REV3L: variants seen among roughly 807,000 people sequenced by gnomAD.
REV3L encodes REV3 like, DNA directed polymerase zeta catalytic subunit, also known as DNA polymerase zeta catalytic subunit.
In REV3L, 69 loss-of-function variants were observed where a neutral mutation model predicts 299.4. The observed-to-expected ratio is 0.23, with a 90% confidence interval of 0.19 to 0.28. REV3L has a LOEUF of 0.28. Among genes scored for constraint, REV3L ranks in the 10% least tolerant of loss-of-function variants. The pLI is 1.00. For missense variants in REV3L, 3,128 were observed against 3,693.8 expected (o/e 0.85, Z 3.97); for synonymous variants, 1,238 against 1,271.4 (o/e 0.97, Z 0.56).
upstream of REV3L, chr6:111,483,514 G>A: frequency 1.9e-6 from 1 of 527,876 alleles, no homozygotes; most frequent in South Asian, 1.6e-5. Context: ...TGGGCTCCGA[G>A]GGGCTTGCGG....
At position 111,300,040 on chromosome 6, in the gene REV3L, G is replaced by GAGAT; in HGVS notation, c.9365_9368dup (p.Arg3124SerfsTer27). ...TTTAAAACTGGTCTAATAACTGCCGGAGATATGGTGCCTTGGACAATTCTC... is the reference window on the plus strand; with the variant it reads ...TTTAAAACTGGTCTAATAACTGCCGGAGATAGATATGGTGCCTTGGACAATTCTC... On this transcript the variant is annotated frameshift_variant, in exon 32 of 32. Transcript: ENST00000368802. LOFTEE classifies it high-confidence loss of function. 1 of 1,613,256 alleles carries GAGAT rather than the reference G, an allele frequency of 6.2e-7. No individual in the cohort carries two copies.
At chr6:111,402,053 G>A (rs1783140225) in intron 4 of REV3L, among the ~76,000 whole-genome samples, 1 of 152,114 alleles carries the variant, frequency 6.6e-6, no homozygotes, top group Admixed American at 6.5e-5. Flanking sequence ...GGTGGAGGTT[G>A]CAGTGAGCCA....
In REV3L at chr6:111,375,704, G is replaced by A. The variant is rs1279679808; in HGVS notation, c.2651C>T (p.Ala884Val). ...ATCTGTGGGTGTTTTATTTTCAAAA[G>A]CTCCACGAGTGGTTTTAGTTAAATC... ...ASDLTKTTRG[A>V]FENKTPTDGF... Residue 884 changes from alanine (A) to valine (V), a missense_variant, in exon 13 of 32, where the codon GCT becomes GTT. Coordinates refer to ENST00000368802, the MANE Select transcript of REV3L (RefSeq NM_001372078.1). 5 of 1,613,772 alleles carry A rather than the reference G, an allele frequency of 3.1e-6. No homozygotes were observed. Among genetic ancestry groups the A allele is most frequent in the Non-Finnish European group, 4.2e-6 (5 of 1,179,896 alleles).
chr6:111,365,441 T>C (rs1167712786), intron 14 of REV3L, 97 bp from the exon 15 acceptor site: 1 of 563,030 alleles, frequency 1.8e-6, no homozygotes, highest in African/African-American at 2.0e-5. Flanking sequence ...AAGTACCACT[T>C]GTGGGTGCTG....
At chr6:111,480,795 A>T (rs1219609539) in intron 1 of REV3L, among the ~76,000 whole-genome samples, 1 of 150,988 alleles carries the variant, frequency 6.6e-6, no homozygotes, top group Non-Finnish European at 1.5e-5. Flanking sequence ...TACCAAAAAA[A>T]AAACCCCAAT....
intron 4 of REV3L, 26 bp downstream of exon 4, chr6:111,405,444 T>G: frequency 1.9e-6 from 3 of 1,563,804 alleles, no homozygotes; most frequent in Non-Finnish European, 2.6e-6. Context: ...TGACAAAAAT[T>G]TAATTTGACT....
rs550901313 is a variant in REV3L at position 111,452,521 on chromosome 6, A to T, written c.139+30229T>A. 1.6e-4 allele frequency among the ~76,000 whole-genome samples: 25 copies of T among 152,324 alleles called. No homozygotes were observed. In the South Asian group the frequency reaches 2.9e-3, roughly 18 times the overall value. On this transcript the variant is annotated intron_variant, in intron 1 of 31. Coordinates refer to ENST00000368802, the MANE Select transcript of REV3L (RefSeq NM_001372078.1). ...TTAAAAAAAAACATTAACTCATACG[A>T]CAATGTGGATGACACTTAACTACGT...
chr6:111,424,597 A>G (rs1785946946), intron 1 of REV3L, among the ~76,000 whole-genome samples: 1 of 152,196 alleles, frequency 6.6e-6, no homozygotes, highest in African/African-American at 2.4e-5. Context: ...AAAGCCTTGC[A>G]TCCATAGCAG....
At chr6:111,413,414 C>A (rs910729175) in intron 2 of REV3L, among the ~76,000 whole-genome samples, 1 of 151,940 alleles carries the variant, frequency 6.6e-6, no homozygotes, top group African/African-American at 2.4e-5. Context: ...AAAAATCTCA[C>A]CTAATTAATT....
intron 20 of REV3L, chr6:111,348,962 T>G (rs1176425338): frequency 4.3e-6 from 1 of 232,158 alleles, no homozygotes; most frequent in Non-Finnish European, 8.2e-6. Context: ...CCCCAATATT[T>G]TATTATAGCT....
intron 31 of REV3L, among the ~76,000 whole-genome samples, chr6:111,306,260 TAGAGG>T: frequency 6.6e-6 from 1 of 152,018 alleles, no homozygotes; most frequent in Middle Eastern, 3.4e-3. Context: ...GTGGGATAGG[TAGAGG>T]AAAGTGTTCC....
At chr6:111,321,846 G>GA (rs1774226070) in intron 26 of REV3L, among the ~76,000 whole-genome samples, 1 of 152,052 alleles carries the variant, frequency 6.6e-6, no homozygotes, top group Non-Finnish European at 1.5e-5. Context: ...CCCCAATATG[G>GA]AAAAAATTTC....
intron 1 of REV3L, among the ~76,000 whole-genome samples, chr6:111,422,889 CA>C: frequency 6.6e-6 from 1 of 151,288 alleles, no homozygotes; most frequent in South Asian, 2.1e-4. Context: ...TTTATTTCTT[CA>C]AATAAAATAT....
intron 20 of REV3L, among the ~76,000 whole-genome samples, chr6:111,347,569 G>C (rs1292835988): frequency 6.6e-6 from 1 of 152,178 alleles, no homozygotes; most frequent in African/African-American, 2.4e-5. Context: ...TGAGAAAGTA[G>C]TTTCAAAGAG....
chr6:111,379,500 T>C lies in REV3L; in HGVS notation c.1454+482A>G, dbSNP rs75229660. On this transcript the variant is annotated intron_variant, in intron 11 of 31. Coordinates refer to ENST00000368802, the MANE Select transcript of REV3L (RefSeq NM_001372078.1). ...AAAACCACAACACCAACTTATTCAT[T>C]TATTTTGAGAAACAAACCACAACAC... Among the ~76,000 whole-genome samples, 7 of 152,302 alleles carry C rather than the reference T, an allele frequency of 4.6e-5. No homozygotes were observed. In the East Asian group the frequency reaches 1.4e-3, roughly 29 times the overall value.
intron 18 of REV3L, among the ~76,000 whole-genome samples, 180 bp from the exon 19 acceptor site, chr6:111,351,971 G>C (rs1409290437): frequency 1.3e-5 from 2 of 151,898 alleles, no homozygotes; most frequent in Non-Finnish European, 2.9e-5. Flanking sequence ...GAGATGGATG[G>C]TTAAGAGTAC....
intron 9 of REV3L, among the ~76,000 whole-genome samples, chr6:111,387,473 G>A (rs1386816544): frequency 6.6e-6 from 1 of 152,070 alleles, no homozygotes; most frequent in Non-Finnish European, 1.5e-5. Context: ...CTTCATCTAC[G>A]CCAAGCAGAA....
chr6:111,300,151 G>GACTAC lies in REV3L; in HGVS notation c.9257_9258insGTAGT (p.Cys3086TrpfsTer2). 6.3e-7 allele frequency: 1 copy of GACTAC among 1,580,980 alleles called. No individual in the cohort carries two copies. The highest frequency in any genetic ancestry group is 8.6e-7 in the Non-Finnish European group (1 of 1,167,496). The stretch of plus-strand genomic sequence containing the variant: ...GATCAAAGCAACCTGTACAGTTCTT[G>GACTAC]CATATCTGAAAGCATAAGAGAAATA... On this transcript the variant is annotated stop_gained and frameshift_variant, in exon 32 of 32. Coordinates refer to ENST00000368802, the MANE Select transcript of REV3L (RefSeq NM_001372078.1). LOFTEE classifies it high-confidence loss of function.
At position 111,481,307 on chromosome 6, in the gene REV3L, A is replaced by G. The variant is rs1449022455; in HGVS notation, c.139+1443T>C. ...AATTCCAATTGGAAACAAAGACAGC[A>G]CCACTATATTTAAAAGGGCAGAAAA... On this transcript the variant is annotated intron_variant, in intron 1 of 31. Transcript: ENST00000368802. 3.3e-5 allele frequency among the ~76,000 whole-genome samples: 5 copies of G among 152,330 alleles called. No homozygotes were observed. In the East Asian group the frequency reaches 9.6e-4, roughly 29 times the overall value.
Sources: gnomAD v4.1 joint callset for allele counts (sites outside exome capture counted in the v4.1 genomes callset) on GRCh38, gnomAD v4.1.1 for gene constraint, MANE v1.5 for transcripts, NCBI Gene and HGNC (gene_info 2026-07-23, HGNC 2026-07-21) for gene names.